The following PDE4D variants were observed in gnomAD, a reference collection of about 807,000 sequenced individuals.
The protein encoded by PDE4D is 3',5'-cyclic-AMP phosphodiesterase 4D.
Under a neutral mutation model 87.4 loss-of-function variants are expected in PDE4D, and 24 were observed. The observed-to-expected ratio is 0.27, with a 90% CI of 0.20 to 0.39. The LOEUF (loss-of-function observed/expected upper bound fraction) is 0.39. PDE4D is among the 10% of genes least tolerant of loss of function. The pLI is 1.00. For missense variants in PDE4D, 714 were observed against 1,041.0 expected (o/e 0.69, Z 4.32); for synonymous variants, 384 against 383.2 (o/e 1.00, Z -0.02).
chr5:60,257,081 A>C (rs902846618), intron 1 of PDE4D, among the ~76,000 whole-genome samples: 3 of 151,824 alleles, frequency 2.0e-5, no homozygotes, highest in Non-Finnish European at 4.4e-5. Context: ...TATCTCAATA[A>C]AGCTATTTTT....
chr5:59,956,363 A>T (rs899915687), intron 3 of PDE4D, among the ~76,000 whole-genome samples: 1 of 152,188 alleles, frequency 6.6e-6, no homozygotes, highest in African/African-American at 2.4e-5. Context: ...GTCCAATGCT[A>T]GCAACTTGAT....
intron 1 of PDE4D, among the ~76,000 whole-genome samples, chr5:60,348,450 T>TAA (rs137871915): frequency 6.6e-6 from 1 of 151,854 alleles, no homozygotes; most frequent in South Asian, 2.1e-4. Flanking sequence ...ACTCAAATTT[T>TAA]AAAAAAAACT....
chr5:60,234,016 T>A (rs1049694042), intron 1 of PDE4D, among the ~76,000 whole-genome samples: 1 of 151,840 alleles, frequency 6.6e-6, no homozygotes, highest in South Asian at 2.1e-4. Context: ...TACAATTCAG[T>A]CGTTTCTACA....
chr5:59,680,579 G>A (rs1748840536), intron 1 of PDE4D, among the ~76,000 whole-genome samples: 1 of 152,098 alleles, frequency 6.6e-6, no homozygotes. Context: ...GAAGTGAGTG[G>A]AAGTGGCTGT....
At chr5:59,668,491 G>T (rs1419411273) in intron 1 of PDE4D, among the ~76,000 whole-genome samples, 1 of 152,010 alleles carries the variant, frequency 6.6e-6, no homozygotes, top group Non-Finnish European at 1.5e-5. Flanking sequence ...TGGAGGATTG[G>T]TTGAGTTCAA....
chr5:59,756,535 C>CACACACACACACACACACACAG, intron 1 of PDE4D, among the ~76,000 whole-genome samples: 1 of 150,086 alleles, frequency 6.7e-6, no homozygotes, highest in African/African-American at 2.5e-5. Context: ...CACACACACA[C>CACACACACACACACACACACAG]AGAGACACAC....
At chr5:59,919,618 C>T (rs556184310) in intron 3 of PDE4D, among the ~76,000 whole-genome samples, 21 of 152,288 alleles carry the variant, frequency 1.4e-4, no homozygotes, top group Admixed American at 1.4e-3. Flanking sequence ...TTTATCAGTG[C>T]TTGAAGAGCA....
Position 59,323,601 on chromosome 5 carries a change from C to G in PDE4D, c.456-107633G>C, listed in dbSNP as rs149396355. Among the ~76,000 whole-genome samples the G allele has an allele frequency of 5.3e-4, 80 of 152,094 alleles. No homozygotes were observed. In the East Asian group the frequency reaches 0.013, roughly 25 times the overall value. On this transcript the variant is annotated intron_variant, in intron 1 of 14. Transcript: ENST00000340635. ...ATCCCTATTTCTCTTACCTATTAAC[C>G]AAGTCCTGTTTAGTCAAAACCCCTA...
chr5:59,117,638 A>G (rs896016528), intron 5 of PDE4D, among the ~76,000 whole-genome samples: 39 of 152,130 alleles, frequency 2.6e-4, no homozygotes, highest in African/African-American at 9.2e-4. Context: ...TTTGACATTG[A>G]GAACTGCAGA....
At chr5:60,471,328 C>T (rs1747797749) in intron 1 of PDE4D, among the ~76,000 whole-genome samples, 1 of 152,112 alleles carries the variant, frequency 6.6e-6, no homozygotes, top group Non-Finnish European at 1.5e-5. Context: ...AAGTGGTTTC[C>T]TGAGATGGAA....
chr5:59,123,098 C>T (rs570996826), intron 5 of PDE4D, among the ~76,000 whole-genome samples: 19 of 151,974 alleles, frequency 1.3e-4, no homozygotes, highest in African/African-American at 4.1e-4. Context: ...CTCCCAAAGC[C>T]GGTAGATGTC....
intron 5 of PDE4D, among the ~76,000 whole-genome samples, chr5:59,121,049 T>C (rs1231278048): frequency 6.6e-6 from 1 of 152,112 alleles, no homozygotes; most frequent in Non-Finnish European, 1.5e-5. Context: ...TCTCTCACCA[T>C]ACAAAAATCA....
chr5:58,989,259 AAAAC>A (rs1747291308), intron 10 of PDE4D, among the ~76,000 whole-genome samples: 1 of 152,218 alleles, frequency 6.6e-6, no homozygotes, highest in Admixed American at 6.5e-5. Context: ...TTTTATAATG[AAAAC>A]AAACTGAATT....
chr5:60,499,718 G>A (rs554160093), intron 1 of PDE4D, among the ~76,000 whole-genome samples: 4 of 152,218 alleles, frequency 2.6e-5, no homozygotes, highest in East Asian at 1.9e-4. Flanking sequence ...TCAGCAACCC[G>A]ATTGGTCATT....
At chr5:59,380,863 T>C (rs1785670904) in intron 1 of PDE4D, among the ~76,000 whole-genome samples, 1 of 152,184 alleles carries the variant, frequency 6.6e-6, no homozygotes, top group East Asian at 1.9e-4. Context: ...GAGCAAATCC[T>C]GCCCACTACT....
At chr5:59,717,437 CT>C (rs764878498) in intron 1 of PDE4D, among the ~76,000 whole-genome samples, 2 of 152,102 alleles carry the variant, frequency 1.3e-5, no homozygotes, top group Non-Finnish European at 2.9e-5. Flanking sequence ...CTTATAAATA[CT>C]GTTTGTAAAG....
chr5:59,911,446 G>A (rs1030275863), intron 3 of PDE4D, among the ~76,000 whole-genome samples: 6 of 152,014 alleles, frequency 3.9e-5, no homozygotes, highest in African/African-American at 1.5e-4. Flanking sequence ...GAACCAATCA[G>A]CACTCCCTGG....
At chr5:60,338,732 T>C (rs1561136088) in intron 1 of PDE4D, among the ~76,000 whole-genome samples, 3 of 151,896 alleles carry the variant, frequency 2.0e-5, no homozygotes, top group South Asian at 2.1e-4. Flanking sequence ...TGCTGGCAAT[T>C]TGAATATCCC....
At chr5:59,754,285 G>A (rs974010456) in intron 1 of PDE4D, among the ~76,000 whole-genome samples, 1 of 152,148 alleles carries the variant, frequency 6.6e-6, no homozygotes, top group Non-Finnish European at 1.5e-5. Flanking sequence ...AGCTGAGATC[G>A]TGCCACTGCA....
Sources: gnomAD v4.1 joint callset for allele counts (sites outside exome capture counted in the v4.1 genomes callset) on GRCh38, gnomAD v4.1.1 for gene constraint, MANE v1.5 for transcripts, NCBI Gene and HGNC (gene_info 2026-07-23, HGNC 2026-07-21) for gene names.